Variants in PSMG2 observed in about 807,000 individuals in gnomAD.
PSMG2 encodes CD40 ligand-activated specific transcript 3.
A neutral mutation model predicts 31.5 loss-of-function variants in PSMG2; 21 were observed. The observed-to-expected ratio is 0.67, with a 90% CI of 0.47 to 0.96. The LOEUF (loss-of-function observed/expected upper bound fraction) is 0.96, where lower values mean the gene tolerates loss of function less well. Among genes scored for constraint, PSMG2 ranks in the 40% least tolerant of loss-of-function variants. The pLI is 0.00. For synonymous variants in PSMG2, 120 were observed against 110.4 expected (o/e 1.09, Z -0.54); for missense variants, 318 against 321.2 (o/e 0.99, Z 0.08).
At chr18:12,675,401 A>T (rs988897720) in intron 1 of PSMG2, among the ~76,000 whole-genome samples, 1 of 151,908 alleles carries the variant, frequency 6.6e-6, no homozygotes, top group Non-Finnish European at 1.5e-5. Context: ...GTCTCAAAAA[A>T]AATAAATAAA....
chr18:12,688,745 C>T (rs1438721405), intron 1 of PSMG2, among the ~76,000 whole-genome samples: 1 of 152,072 alleles, frequency 6.6e-6, no homozygotes, highest in Non-Finnish European at 1.5e-5. Flanking sequence ...GTCATAATAG[C>T]CACATTTTGA....
intron 1 of PSMG2, among the ~76,000 whole-genome samples, chr18:12,693,773 CTCTG>C (rs979595714): frequency 3.9e-5 from 6 of 152,058 alleles, no homozygotes; most frequent in Admixed American, 1.3e-4. Context: ...CAGAGCGAGA[CTCTG>C]TCTGAAAAAA....
At chr18:12,686,148 G>T in intron 1 of PSMG2, 1 of 738,274 alleles carries the variant, frequency 1.4e-6, no homozygotes. Flanking sequence ...GAACCTGTGG[G>T]TACAGAGGGT....
rs5823232 is a variant in PSMG2, at chr18:12,662,191, GA to G, written c.-37+3430del. ...TCACCTAGAAAAGTGCACCAGAAAG[GA>G]AAAAAAAAAAACAGCATATTTTTTA... is the stretch of plus-strand genomic sequence containing the variant. On this transcript the variant is annotated intron_variant, in intron 1 of 6. Coordinates refer to the PSMG2 transcript ENST00000585331. 7.3e-3 allele frequency: 2,782 copies of G among 379,382 alleles called. 1 individual carries two copies. Among genetic ancestry groups the G allele is most frequent in the Admixed American group, 0.013 (421 of 31,670 alleles). The allele number at this position is 379,382 out of a possible 1,614,324, so 23.5% of individuals were successfully genotyped here. A position where few individuals can be genotyped will look rare whatever the true frequency, so the allele number is the denominator to read the frequency against.
chr18:12,709,471 C>T (rs1297376391), intron 2 of PSMG2, among the ~76,000 whole-genome samples: 1 of 151,592 alleles, frequency 6.6e-6, no homozygotes, highest in Admixed American at 6.6e-5. Context: ...GGATTGTAGG[C>T]ACTCACCACA....
intron 1 of PSMG2, among the ~76,000 whole-genome samples, chr18:12,691,709 ATTT>A (rs537984227): frequency 1.4e-5 from 2 of 140,282 alleles, no homozygotes; most frequent in Admixed American, 7.3e-5. Flanking sequence ...CAAAGACAGA[ATTT>A]TTTTTTTTTT....
At chr18:12,685,523 A>T (rs1191185761) in intron 1 of PSMG2, 2 of 152,186 alleles carry the variant, frequency 1.3e-5, no homozygotes, top group Non-Finnish European at 2.9e-5. Context: ...TTTAAATGTT[A>T]TGAAAAACAG....
upstream of PSMG2, chr18:12,699,968 C>CGAGACCATCCTGGCT: frequency 9.0e-7 from 1 of 1,116,474 alleles, no homozygotes; most frequent in Non-Finnish European, 1.3e-6. Flanking sequence ...AAGGAAATGT[C>CGAGACCATCCTGGCT]AATAAACATG....
chr18:12,686,376 T>G, intron 1 of PSMG2: 1 of 1,614,092 alleles, frequency 6.2e-7, no homozygotes, highest in Non-Finnish European at 8.5e-7. Flanking sequence ...CTGCTTGCCT[T>G]GGAGTATCAA....
chr18:12,724,277 G>T, intron 5 of PSMG2: 1 of 437,592 alleles, frequency 2.3e-6, no homozygotes, highest in Non-Finnish European at 4.0e-6. Context: ...CAGCCATGGG[G>T]TGAGGCATGA....
chr18:12,689,463 T>C (rs569636487), intron 1 of PSMG2, among the ~76,000 whole-genome samples: 2 of 152,346 alleles, frequency 1.3e-5, no homozygotes, highest in Non-Finnish European at 2.9e-5. Context: ...ACCTTCATAC[T>C]GTTTACAAAA....
At chr18:12,672,368 G>A (rs935766090) in intron 1 of PSMG2, among the ~76,000 whole-genome samples, 23 of 151,138 alleles carry the variant, frequency 1.5e-4, no homozygotes, top group Non-Finnish European at 7.4e-5. Context: ...CACCCACCTC[G>A]GCCTCCCAAA....
At chr18:12,668,520 C>T (rs2038851163) in intron 1 of PSMG2, among the ~76,000 whole-genome samples, 1 of 140,262 alleles carries the variant, frequency 7.1e-6, no homozygotes, top group South Asian at 2.3e-4. Flanking sequence ...ATCACTTGAA[C>T]CCAGGAGGTA....
At chr18:12,681,591 A>G (rs2039351591) in intron 1 of PSMG2, among the ~76,000 whole-genome samples, 1 of 152,082 alleles carries the variant, frequency 6.6e-6, no homozygotes, top group Non-Finnish European at 1.5e-5. Flanking sequence ...ACATGAACAA[A>G]CAAGCAAACA....
intron 1 of PSMG2, among the ~76,000 whole-genome samples, chr18:12,704,781 G>A (rs570873177): frequency 6.6e-6 from 1 of 152,222 alleles, no homozygotes; most frequent in African/African-American, 2.4e-5. Flanking sequence ...AATATTGTGA[G>A]GAAAAGAAGG....
chr18:12,712,721 A>C lies in PSMG2; in HGVS notation c.249A>C (p.Arg83Ser). 6.2e-7 allele frequency: 1 copy of C among 1,607,368 alleles called. No homozygotes were observed. The highest frequency in any genetic ancestry group is 8.5e-7 in the Non-Finnish European group (1 of 1,175,240). Residue 83 changes from arginine to serine, a missense_variant, in exon 3 of 7, where the codon AGA becomes AGC. Transcript: ENST00000317615. ...INAEVYSLPSRKLVALQLRSI... is the reference protein window; with the variant it reads ...INAEVYSLPSSKLVALQLRSI... ...TTATAGTGTATTCATTGCCTTCAAG[A>C]AAGCTGGTGGCTCTACAGTTAAGAT...
chr18:12,670,057 C>T (rs1432790212), intron 1 of PSMG2, among the ~76,000 whole-genome samples: 8 of 148,282 alleles, frequency 5.4e-5, no homozygotes, highest in South Asian at 2.2e-4. Flanking sequence ...AGGCCAGGTG[C>T]GATGGTCCAT....
intron 1 of PSMG2, 79 bp downstream of exon 1, chr18:12,703,243 G>A (rs2145127665): frequency 6.9e-7 from 1 of 1,444,436 alleles, no homozygotes; most frequent in Non-Finnish European, 9.4e-7. Context: ...GGTGTTTGGC[G>A]GTGCCTTGGG....
In PSMG2 at chr18:12,666,360, G is replaced by A. The variant is rs1436146010; in HGVS notation, c.-37+7587G>A. ...AAAAAATTATTATCTTGCAAAGTTTGCTAAGTAATGGTCATTCTTCAACTG... is the reference window on the plus strand; with the variant it reads ...AAAAAATTATTATCTTGCAAAGTTTACTAAGTAATGGTCATTCTTCAACTG... On this transcript the variant is annotated intron_variant, in intron 1 of 6. Coordinates refer to the PSMG2 transcript ENST00000585331. Among the ~76,000 whole-genome samples the A allele has an allele frequency of 7.9e-5, 12 of 151,166 alleles. No individual in the cohort carries two copies. In the Admixed American group the frequency reaches 7.9e-4, roughly 10 times the overall value.
Sources: allele counts gnomAD v4.1 joint callset (sites outside exome capture counted in the v4.1 genomes callset), GRCh38; gene constraint gnomAD v4.1.1; transcripts MANE v1.5; gene names NCBI Gene and HGNC (gene_info 2026-07-23, HGNC 2026-07-21).